Variants in PCDHA9 observed in about 807,000 individuals in gnomAD.
The protein encoded by PCDHA9 is protocadherin alpha-9.
Under a neutral mutation model 62.0 loss-of-function variants are expected in PCDHA9, and 62 were observed. The observed-to-expected ratio is 1.00, with a 90% CI of 0.81 to 1.23. The LOEUF (loss-of-function observed/expected upper bound fraction) is 1.23, where lower values mean the gene tolerates loss of function less well. PCDHA9 is among the 50% of genes most tolerant of loss of function. PCDHA9 has a pLI of 0.00. For synonymous variants in PCDHA9, 557 were observed against 567.6 expected (o/e 0.98, Z 0.27); for missense variants, 1,205 against 1,249.8 (o/e 0.96, Z 0.54).
intron 1 of PCDHA9, chr5:140,868,273 C>A (rs1311976993): frequency 6.6e-6 from 1 of 151,892 alleles, no homozygotes; most frequent in Non-Finnish European, 1.5e-5. Flanking sequence ...TTTTTTAAAA[C>A]TACCAAGTTT....
intron 1 of PCDHA9, chr5:140,851,866 C>T (rs1486270411): frequency 2.0e-6 from 2 of 976,572 alleles, no homozygotes; most frequent in South Asian, 9.5e-5. Flanking sequence ...TCATACATAA[C>T]ACAAGGCAGA....
intron 1 of PCDHA9, chr5:140,882,459 T>G (rs782544853): frequency 6.2e-7 from 1 of 1,613,996 alleles, no homozygotes; most frequent in South Asian, 1.1e-5. Context: ...CCGCGCCTGT[T>G]CCGGGTGGCG....
At chr5:140,865,089 T>C (rs1462427966) in intron 1 of PCDHA9, 2 of 152,250 alleles carry the variant, frequency 1.3e-5, no homozygotes, top group Admixed American at 1.3e-4. Context: ...GGGATATTAA[T>C]AAAGGCACTT....
At position 140,863,585 on chromosome 5, in the gene PCDHA9, A is replaced by G. The variant is rs1365017699; in HGVS notation, c.2394+12696A>G. ...GAGAATATAAGTACTGTAATCCTGG[A>G]AAGTATTTCATTCCTATTAATGTCC... On this transcript the variant is annotated intron_variant, in intron 1 of 3. Coordinates refer to ENST00000532602, the MANE Select transcript of PCDHA9 (RefSeq NM_031857.2). The G allele has an allele frequency of 3.6e-5, 13 of 361,228 alleles. No homozygotes were observed. The East Asian group carries it at 7.6e-4, about 21-fold the overall frequency. The allele number at this position is 361,228 out of a possible 1,614,324, so 22.4% of individuals were successfully genotyped here.
chr5:140,920,060 G>T (rs565038135), intron 1 of PCDHA9, among the ~76,000 whole-genome samples: 1 of 152,264 alleles, frequency 6.6e-6, no homozygotes, highest in African/African-American at 2.4e-5. Context: ...CCAACACCTG[G>T]AAAAGGCAGA....
At chr5:140,928,504 A>G (rs1408229072) in intron 1 of PCDHA9, 1 of 1,614,092 alleles carries the variant, frequency 6.2e-7, no homozygotes, top group African/African-American at 1.3e-5. Flanking sequence ...CAGAAGTGCA[A>G]CAGTGACTAT....
At chr5:140,906,995 C>T (rs1177237804) in intron 1 of PCDHA9, among the ~76,000 whole-genome samples, 1 of 152,164 alleles carries the variant, frequency 6.6e-6, no homozygotes, top group Non-Finnish European at 1.5e-5. Flanking sequence ...GCATTCCTCC[C>T]TCTGGAACTA....
chr5:140,851,517 A>C (rs1290684198), intron 1 of PCDHA9: 5 of 904,746 alleles, frequency 5.5e-6, no homozygotes, highest in Non-Finnish European at 4.0e-6. Flanking sequence ...AATATGTTTT[A>C]AAATGCCTGA....
intron 1 of PCDHA9, chr5:140,853,562 C>G (rs902693862): frequency 1.0e-6 from 1 of 981,152 alleles, no homozygotes; most frequent in South Asian, 4.8e-5. Flanking sequence ...ATAGGAAAAA[C>G]TAAGTTGTCA....
chr5:140,863,615 T>A (rs1290782399), intron 1 of PCDHA9: 16 of 339,092 alleles, frequency 4.7e-5, no homozygotes, highest in Non-Finnish European at 8.7e-5. Context: ...ATGTCCCTCA[T>A]AGTGACATTG....
chr5:141,009,878 A>G lies in PCDHA9; in HGVS notation c.2794A>G (p.Asn932Asp). Residue 932 changes from asparagine to aspartate, a missense_variant, in exon 4 of 4, where the codon AAC (asparagine) becomes GAC (aspartate). Coordinates refer to ENST00000532602, the MANE Select transcript of PCDHA9 (RefSeq NM_031857.2). ...TKKKKKKKKG[N>D]KTQEKKEKGN... ...GAAAAAGAAGAAAAAGAAGAAGGGT[A>G]ACAAGACCCAGGAGAAAAAAGAGAA... is the stretch of plus-strand genomic sequence containing the variant. 4 of 1,613,898 alleles carry G rather than the reference A, an allele frequency of 2.5e-6. No homozygotes were observed. Among genetic ancestry groups the G allele is most frequent in the South Asian group, 1.1e-5 (1 of 91,050 alleles).
rs2045092638 is a variant in PCDHA9, at chr5:140,858,000, A to G, written c.2394+7111A>G. The stretch of plus-strand genomic sequence containing the variant: ...CGCCAGCGCCTACTGGTGCTGGTGA[A>G]GGACCATGGCGAGCCGTCGCTGACG... On this transcript the variant is annotated intron_variant, in intron 1 of 3. Coordinates refer to ENST00000532602, the MANE Select transcript of PCDHA9 (RefSeq NM_031857.2). 1.0e-5 allele frequency: 16 copies of G among 1,596,802 alleles called. 2 individuals carry two copies. Among genetic ancestry groups the G allele is most frequent in the Non-Finnish European group, 1.4e-5 (16 of 1,167,152 alleles).
At chr5:140,924,096 T>A (rs1044149112) in intron 1 of PCDHA9, among the ~76,000 whole-genome samples, 1 of 152,222 alleles carries the variant, frequency 6.6e-6, no homozygotes, top group Non-Finnish European at 1.5e-5. Flanking sequence ...AAAGAATAAA[T>A]TTTCATTCCA....
At chr5:140,946,477 T>C (rs1223421073) in intron 1 of PCDHA9, among the ~76,000 whole-genome samples, 2 of 151,720 alleles carry the variant, frequency 1.3e-5, no homozygotes, top group Non-Finnish European at 2.9e-5. Flanking sequence ...ACTGGGTATA[T>C]ATCCAAAGGA....
chr5:140,882,475 AAGAC>A (rs2059154037), intron 1 of PCDHA9: 1 of 1,613,902 alleles, frequency 6.2e-7, no homozygotes, highest in Non-Finnish European at 8.5e-7. Flanking sequence ...TGGCGTCCAA[AAGAC>A]ACGGGGACCT....
intron 1 of PCDHA9, chr5:140,871,459 G>A (rs781872546): frequency 6.2e-6 from 10 of 1,605,178 alleles, no homozygotes; most frequent in Admixed American, 1.7e-5. Flanking sequence ...GGAGGAAGGG[G>A]AAAGACAGGA....
intron 1 of PCDHA9, among the ~76,000 whole-genome samples, chr5:140,974,769 T>C (rs1487371754): frequency 6.6e-6 from 1 of 152,238 alleles, no homozygotes; most frequent in Non-Finnish European, 1.5e-5. Context: ...ATTACAGGTA[T>C]GAGCCACTGC....
intron 1 of PCDHA9, chr5:140,857,129 G>A: frequency 6.3e-7 from 1 of 1,598,280 alleles, no homozygotes; most frequent in Non-Finnish European, 8.6e-7. Context: ...AGTGAAAGAA[G>A]ATGCTCAAGT....
intron 1 of PCDHA9, chr5:140,883,717 C>A (rs926863988): frequency 6.2e-7 from 1 of 1,613,614 alleles, no homozygotes. Context: ...AGGACGCGGA[C>A]GCACAGGAGA....
Sources: gnomAD v4.1 joint callset for allele counts (sites outside exome capture counted in the v4.1 genomes callset) on GRCh38, gnomAD v4.1.1 for gene constraint, MANE v1.5 for transcripts, NCBI Gene and HGNC (gene_info 2026-07-23, HGNC 2026-07-21) for gene names.